The following FIG4 variants were observed in gnomAD, a reference collection of about 807,000 sequenced individuals.
FIG4 encodes the protein FIG4 phosphoinositide 5-phosphatase.
In FIG4, 112 loss-of-function variants were observed where a neutral mutation model predicts 118.6. The ratio of observed to expected loss-of-function variants is 0.94; its 90% CI spans 0.81 to 1.11. The LOEUF (loss-of-function observed/expected upper bound fraction) is 1.11. Among genes scored for constraint, FIG4 ranks in the 50% least tolerant of loss-of-function variants. The probability of loss-of-function intolerance (pLI) is 0.00; values close to 1 mark genes in which losing one functional copy is unlikely to be tolerated. For synonymous variants in FIG4, 369 were observed against 381.2 expected (o/e 0.97, Z 0.37); for missense variants, 969 against 1,111.7 (o/e 0.87, Z 1.83).
At chr6:109,801,372 AC>A (rs1778421998) in intron 22 of FIG4, among the ~76,000 whole-genome samples, 1 of 151,754 alleles carries the variant, frequency 6.6e-6, no homozygotes, top group Non-Finnish European at 1.5e-5. Flanking sequence ...GTATGGTGAA[AC>A]CCCATCTCTA....
At chr6:109,715,008 C>A in intron 1 of FIG4, 70 bp from the exon 2 acceptor site, 1 of 802,136 alleles carries the variant, frequency 1.2e-6, no homozygotes, top group South Asian at 1.5e-5. Flanking sequence ...ATTTCAAAAA[C>A]TAAAGTGGTA....
chr6:109,735,516 G>C (rs1776135454), intron 6 of FIG4, among the ~76,000 whole-genome samples: 1 of 152,032 alleles, frequency 6.6e-6, no homozygotes, highest in Admixed American at 6.6e-5. Context: ...ATTGTATGCT[G>C]ACATTTTCTA....
intron 1 of FIG4, among the ~76,000 whole-genome samples, chr6:109,705,182 G>C (rs757554962): frequency 1.3e-5 from 2 of 152,114 alleles, no homozygotes; most frequent in Non-Finnish European, 1.5e-5. Flanking sequence ...AAAATGCTGA[G>C]GTCCATTTTG....
At chr6:109,743,085 T>C in intron 8 of FIG4, 25 bp from the exon 9 acceptor site, 2 of 1,596,322 alleles carry the variant, frequency 1.3e-6, no homozygotes, top group African/African-American at 2.7e-5. Context: ...ACATAAAATA[T>C]TTTTCAATGC....
chr6:109,789,941 G>A (rs1778092006), intron 19 of FIG4, among the ~76,000 whole-genome samples: 1 of 152,124 alleles, frequency 6.6e-6, no homozygotes, highest in South Asian at 2.1e-4. Flanking sequence ...AGCATTCTCT[G>A]TTTCCCAACA....
At chr6:109,779,877 C>T (rs1331171607) in intron 16 of FIG4, among the ~76,000 whole-genome samples, 1 of 152,172 alleles carries the variant, frequency 6.6e-6, no homozygotes, top group African/African-American at 2.4e-5. Context: ...TGGCCTGCGA[C>T]CCATTAACCT....
chr6:109,739,207 T>A (rs1389408315), intron 7 of FIG4, among the ~76,000 whole-genome samples: 1 of 151,214 alleles, frequency 6.6e-6, no homozygotes, highest in Non-Finnish European at 1.5e-5. Context: ...AGAAGTAGGT[T>A]CAGCTTTGGG....
intron 5 of FIG4, among the ~76,000 whole-genome samples, chr6:109,734,903 G>T (rs534309420): frequency 6.6e-6 from 1 of 152,106 alleles, no homozygotes; most frequent in East Asian, 1.9e-4. Flanking sequence ...ATCAAATAAC[G>T]TAGGTTACTG....
At position 109,766,645 on chromosome 6, in the gene FIG4, T is replaced by A. The variant is rs9386842; in HGVS notation, c.1584-84T>A. 0.055 allele frequency: 64,430 copies of A among 1,161,270 alleles called. 3,918 individuals are homozygous for A. Among genetic ancestry groups the A allele is most frequent in the African/African-American group, 0.24 (16,078 of 66,322 alleles). 71.9% of individuals were successfully genotyped at this position (1,161,270 alleles called of 1,614,324 possible). On this transcript the variant is annotated intron_variant, in intron 14 of 22. Transcript: ENST00000230124. ...AAGGCTCAGAAGAATTTTTAAAGTA[T>A]AAGACTTGTTTGGAGTTTGGCTAAG...
intron 21 of FIG4, among the ~76,000 whole-genome samples, chr6:109,794,082 G>T (rs1207511087): frequency 6.6e-6 from 1 of 152,226 alleles, no homozygotes; most frequent in Non-Finnish European, 1.5e-5. Context: ...ATGTGCCAAG[G>T]ATTGAAGGGG....
chr6:109,759,993 C>T (rs995786697), intron 10 of FIG4, among the ~76,000 whole-genome samples: 1 of 152,286 alleles, frequency 6.6e-6, no homozygotes, highest in Admixed American at 6.5e-5. Context: ...AGCTGGGTTT[C>T]TCAGGGTGCA....
intron 22 of FIG4, among the ~76,000 whole-genome samples, chr6:109,811,092 C>T (rs1422404120): frequency 1.3e-5 from 2 of 152,106 alleles, no homozygotes; most frequent in African/African-American, 2.4e-5. Context: ...TTTCATGTCA[C>T]GTGCAGTGCT....
chr6:109,769,793 C>A lies in FIG4; in HGVS notation c.1750+2898C>A, dbSNP rs116686124. On this transcript the variant is annotated intron_variant, in intron 15 of 22. Coordinates refer to ENST00000230124, the MANE Select transcript of FIG4 (RefSeq NM_014845.6). ...AATTAACCAGGCATGGTAGTGCACACCTGTAGTCCCAGCTATGTGAGAGCC... is the reference window on the plus strand; with the variant it reads ...AATTAACCAGGCATGGTAGTGCACAACTGTAGTCCCAGCTATGTGAGAGCC... Among the ~76,000 whole-genome samples, 1,243 of 152,262 alleles carry A rather than the reference C, an allele frequency of 8.2e-3. 19 individuals are homozygous for A. Among genetic ancestry groups the A allele is most frequent in the African/African-American group, 0.028 (1,180 of 41,542 alleles).
chr6:109,807,606 G>A (rs2128400004), intron 22 of FIG4, among the ~76,000 whole-genome samples: 1 of 152,276 alleles, frequency 6.6e-6, no homozygotes. Flanking sequence ...AAGCTCTTTA[G>A]TTGAATTAGA....
At chr6:109,781,779 T>TTTTTTTTTTTTTTTTTTTTTTGAG (rs1554307140) in intron 16 of FIG4, among the ~76,000 whole-genome samples, 2 of 145,878 alleles carry the variant, frequency 1.4e-5, no homozygotes, top group African/African-American at 4.9e-5. Context: ...TCTTCAGATT[T>TTTTTTTTTTTTTTTTTTTTTTGAG]AATCAGTTGA....
intron 1 of FIG4, among the ~76,000 whole-genome samples, chr6:109,707,973 T>C (rs1388864423): frequency 6.6e-6 from 1 of 151,830 alleles, no homozygotes; most frequent in East Asian, 1.9e-4. Flanking sequence ...TTTTGATTAT[T>C]CATTTTATTC....
In FIG4 at chr6:109,786,338, A is replaced by AG. The variant is rs1197741113; in HGVS notation, c.1986dup (p.Lys663GlufsTer6). ...GTGAACTTAAAGAAGTTGATAGTGAAGAAATTCCACAAATATGAAGAAGAG... is the reference window on the plus strand; with the variant it reads ...GTGAACTTAAAGAAGTTGATAGTGAAGGAAATTCCACAAATATGAAGAAGAG... On this transcript the variant is annotated frameshift_variant, in exon 18 of 23. Transcript: ENST00000230124. LOFTEE classifies it high-confidence loss of function. The AG allele has an allele frequency of 1.2e-6, 2 of 1,613,558 alleles. No homozygotes were observed. Among genetic ancestry groups the AG allele is most frequent in the Non-Finnish European group, 1.7e-6 (2 of 1,179,482 alleles).
intron 21 of FIG4, among the ~76,000 whole-genome samples, chr6:109,793,947 A>G (rs1778208001): frequency 6.6e-6 from 1 of 151,952 alleles, no homozygotes; most frequent in African/African-American, 2.4e-5. Flanking sequence ...TGGCTGTCAG[A>G]ACTCTGTAGC....
At chr6:109,745,391 A>C (rs918574814) in intron 10 of FIG4, among the ~76,000 whole-genome samples, 5 of 152,208 alleles carry the variant, frequency 3.3e-5, no homozygotes, top group Non-Finnish European at 5.9e-5. Flanking sequence ...TCTAATGACC[A>C]GTGATGATGA....
Sources: allele counts gnomAD v4.1 joint callset (sites outside exome capture counted in the v4.1 genomes callset), GRCh38; gene constraint gnomAD v4.1.1; transcripts MANE v1.5; gene names NCBI Gene and HGNC (gene_info 2026-07-23, HGNC 2026-07-21).